Variants in ZNF114 observed in about 807,000 individuals in gnomAD.
ZNF114 encodes the protein zinc finger protein 114.
Under a neutral mutation model 6.8 loss-of-function variants are expected in ZNF114, and 8 were observed. The ratio of observed to expected loss-of-function variants is 1.18; its 90% CI spans 0.69 to 2.13. ZNF114 has a LOEUF of 2.13. ZNF114 is among the 30% of genes most tolerant of loss of function. ZNF114 has a pLI of 0.00. For missense variants in ZNF114, 472 were observed against 519.5 expected (o/e 0.91, Z 0.89); for synonymous variants, 169 against 185.5 (o/e 0.91, Z 0.72).
chr19:48,284,588 G>A (rs1427431301), intron 5 of ZNF114, among the ~76,000 whole-genome samples: 1 of 151,964 alleles, frequency 6.6e-6, no homozygotes, highest in Non-Finnish European at 1.5e-5. Context: ...ACGCCACCAT[G>A]CCCAGCTAAT....
rs1422689929 is a variant in ZNF114 at position 48,286,121 on chromosome 19, A to C, written c.497A>C (p.Asp166Ala). 2 of 1,614,202 alleles carry C rather than the reference A, an allele frequency of 1.2e-6. No homozygotes were observed. Among genetic ancestry groups the C allele is most frequent in the South Asian group, 2.2e-5 (2 of 91,084 alleles). The change falls in exon 6 of 6, where the codon GAT (aspartate) becomes GCT (alanine). Residue 166 changes from aspartate (D) to alanine (A), a missense_variant. Coordinates refer to ENST00000595607, the MANE Select transcript of ZNF114 (RefSeq NM_153608.4). ...SIFKYNPVLN[D>A]SQKTHENNED... Reference sequence around the variant, plus strand: ...TTCAAGTATAATCCTGTCTTAAACGATAGTCAAAAAACACATGAAAACAAC... The same window carrying C: ...TTCAAGTATAATCCTGTCTTAAACGCTAGTCAAAAAACACATGAAAACAAC...
chr19:48,282,968 G>A (rs536475991), intron 5 of ZNF114, among the ~76,000 whole-genome samples: 19 of 151,830 alleles, frequency 1.3e-4, no homozygotes, highest in African/African-American at 3.4e-4. Context: ...CTCCCACCTC[G>A]GCCTCCGGAA....
chr19:48,270,531 GAA>G (rs1967625762), intron 1 of ZNF114, among the ~76,000 whole-genome samples: 2 of 137,856 alleles, frequency 1.5e-5, no homozygotes, highest in East Asian at 2.1e-4. Context: ...GGGAGAGAGA[GAA>G]AGGAAAGAAG....
At chr19:48,283,418 A>G (rs1968043013) in intron 5 of ZNF114, among the ~76,000 whole-genome samples, 2 of 152,146 alleles carry the variant, frequency 1.3e-5, no homozygotes, top group South Asian at 4.1e-4. Context: ...GTTCCTTTAT[A>G]CCACATGCTT....
Position 48,286,966 on chromosome 19 carries a change from T to C in ZNF114, c.*88T>C, listed in dbSNP as rs549078452. The C allele has an allele frequency of 1.5e-6, 2 of 1,376,886 alleles. No homozygotes were observed. The highest frequency in any genetic ancestry group is 1.6e-5 in the South Asian group (1 of 62,126). The allele number at this position is 1,376,886 out of a possible 1,614,324, so 85.3% of individuals were successfully genotyped here. A position where few individuals can be genotyped will look rare whatever the true frequency, so the allele number is the denominator to read the frequency against. On this transcript the variant is annotated 3_prime_UTR_variant, in exon 6 of 6. Transcript: ENST00000595607. ...TGGAAGGGAGCTCAAGGGGTTAGCATGAGTGAGAACATCTTCCCTGAACTC... is the reference window on the plus strand; with the variant it reads ...TGGAAGGGAGCTCAAGGGGTTAGCACGAGTGAGAACATCTTCCCTGAACTC...
intron 3 of ZNF114, among the ~76,000 whole-genome samples, chr19:48,276,933 C>T (rs1371995873): frequency 6.6e-6 from 1 of 151,494 alleles, no homozygotes; most frequent in African/African-American, 2.4e-5. Context: ...TCGAGGCAGG[C>T]GGATCACCTG....
At chr19:48,275,454 ACAC>A (rs1967803486) in intron 3 of ZNF114, among the ~76,000 whole-genome samples, 1 of 140,898 alleles carries the variant, frequency 7.1e-6, no homozygotes, top group African/African-American at 2.5e-5. Flanking sequence ...ACACACACAC[ACAC>A]AAAATAGCCA....
intron 4 of ZNF114, 61 bp from the exon 5 acceptor site, chr19:48,282,310 G>A (rs1568993679): frequency 6.3e-7 from 1 of 1,599,826 alleles, no homozygotes; most frequent in South Asian, 1.1e-5. Context: ...TGGAGAAAGG[G>A]GTCACAGTTC....
At chr19:48,272,792 CTTTT>C (rs1170280344) in intron 3 of ZNF114, among the ~76,000 whole-genome samples, 1 of 83,778 alleles carries the variant, frequency 1.2e-5, no homozygotes. Context: ...CGAGAAAGAG[CTTTT>C]TTTTTTTTTT....
Position 48,277,794 on chromosome 19 carries a change from GGTGTGTGTGT to G in ZNF114, c.-69-1906_-69-1897del, listed in dbSNP as rs749201884. Among the ~76,000 whole-genome samples, 11 of 119,410 alleles carry G rather than the reference GGTGTGTGTGT, an allele frequency of 9.2e-5. No homozygotes were observed. In the South Asian group the frequency reaches 1.2e-3, roughly 14 times the overall value. The allele number at this position is 119,410 out of a possible 152,430, so 78.3% of individuals were successfully genotyped here. A position where few individuals can be genotyped will look rare whatever the true frequency, so the allele number is the denominator to read the frequency against. ...GAATAGACTGACCAGGGAGGCATTG[GGTGTGTGTGT>G]GTGTGTGTGTGTGTGTGTGTGTGTG... On this transcript the variant is annotated intron_variant, in intron 3 of 5. Coordinates refer to ENST00000595607, the MANE Select transcript of ZNF114 (RefSeq NM_153608.4).
intron 3 of ZNF114, among the ~76,000 whole-genome samples, chr19:48,274,485 T>TAG: frequency 7.3e-6 from 1 of 137,002 alleles, no homozygotes; most frequent in Non-Finnish European, 1.6e-5. Context: ...AAAACTTTTA[T>TAG]ATATATATAT....
rs192544469 is a variant in ZNF114, at chr19:48,282,531, A to T, written c.136+34A>T. The T allele has an allele frequency of 6.8e-4, 1,084 of 1,594,040 alleles. 8 individuals are homozygous for T. In the East Asian group the frequency reaches 0.022, roughly 33 times the overall value. On this transcript the variant is annotated intron_variant, in intron 5 of 5. Transcript: ENST00000595607. ...GCCCCCTTCCTGCACTTAGTCCGTGATGGGACCAGTGCTGGTTTGGAACCG... is the reference window on the plus strand; with the variant it reads ...GCCCCCTTCCTGCACTTAGTCCGTGTTGGGACCAGTGCTGGTTTGGAACCG...
chr19:48,286,885 G>A lies in ZNF114; in HGVS notation c.*7G>A, dbSNP rs1056469281. 6.5e-7 allele frequency: 1 copy of A among 1,542,822 alleles called. No individual in the cohort carries two copies. Among genetic ancestry groups the A allele is most frequent in the African/African-American group, 1.4e-5 (1 of 71,926 alleles). The stretch of plus-strand genomic sequence containing the variant: ...TGAGAAGCCCTGTGAATGAAAGGAA[G>A]GTGGAAAATTTTTCATTAATTTTCT... On this transcript the variant is annotated 3_prime_UTR_variant, in exon 6 of 6. Transcript: ENST00000595607.
intron 3 of ZNF114, among the ~76,000 whole-genome samples, chr19:48,277,327 G>A (rs1600839362): frequency 6.6e-6 from 1 of 152,266 alleles, no homozygotes; most frequent in East Asian, 1.9e-4. Flanking sequence ...CAACCTGGAT[G>A]ACAGAATGAG....
In ZNF114 at chr19:48,286,600, C is replaced by A. The variant is rs1331421537; in HGVS notation, c.976C>A (p.His326Asn). The A allele has an allele frequency of 5.6e-6, 9 of 1,613,944 alleles. No individual in the cohort carries two copies. In the Admixed American group the frequency reaches 1.5e-4, roughly 27 times the overall value. ...QSFLMRHMKI[H>N]TGEKPYECGK... Reference sequence around the variant, plus strand: ...ATTCCTTATGAGACATATGAAAATTCACACTGGAGAGAAACCGTATGAATG... The same window carrying A: ...ATTCCTTATGAGACATATGAAAATTAACACTGGAGAGAAACCGTATGAATG... Residue 326 changes from histidine (H) to asparagine (N), a missense_variant, in exon 6 of 6, where the codon CAC becomes AAC. By Grantham distance (68) the His-to-Asn change is moderately conservative. Coordinates refer to ENST00000595607, the MANE Select transcript of ZNF114 (RefSeq NM_153608.4).
chr19:48,285,538 A>G (rs561650245), intron 5 of ZNF114, among the ~76,000 whole-genome samples: 7 of 103,406 alleles, frequency 6.8e-5, no homozygotes, highest in African/African-American at 2.0e-4. Flanking sequence ...AGAGAGAGAG[A>G]GGAAAGAAGG....
chr19:48,282,261 C>T, intron 4 of ZNF114, 110 bp from the exon 5 acceptor site: 1 of 1,423,544 alleles, frequency 7.0e-7, no homozygotes, highest in East Asian at 2.5e-5. Flanking sequence ...GTCACCTTTG[C>T]AGGTACCAAG....
chr19:48,285,840 C>G lies in ZNF114; in HGVS notation c.216C>G (p.Asn72Lys). The change falls in exon 6 of 6, where the codon AAC becomes AAG. Residue 72 changes from asparagine (N) to lysine (K), a missense_variant. Physicochemically the swap from Asn to Lys is moderately conservative, Grantham distance 94 (BLOSUM62 0). Transcript: ENST00000595607. ...ILPKRTFPEA[N>K]RVCLTSISSQ... ...CTAAAAGAACATTTCCTGAAGCCAA[C>G]AGAGTGTGTCTCACGAGCATCAGTT... 1 of 1,614,180 alleles carries G rather than the reference C, an allele frequency of 6.2e-7. No individual in the cohort carries two copies. Among genetic ancestry groups the G allele is most frequent in the Non-Finnish European group, 8.5e-7 (1 of 1,180,040 alleles).
intron 3 of ZNF114, among the ~76,000 whole-genome samples, chr19:48,279,495 TGTG>T (rs1967934587): frequency 1.3e-5 from 1 of 78,858 alleles, no homozygotes; most frequent in Non-Finnish European, 2.4e-5. Flanking sequence ...TGAGTGTGTG[TGTG>T]GGTGGGGGGA....
Sources: gnomAD v4.1 joint callset for allele counts (sites outside exome capture counted in the v4.1 genomes callset) on GRCh38, gnomAD v4.1.1 for gene constraint, MANE v1.5 for transcripts, NCBI Gene and HGNC (gene_info 2026-07-23, HGNC 2026-07-21) for gene names.